Variants in ZNF236 observed in about 807,000 individuals in gnomAD.
ZNF236 encodes zinc finger protein 236, also known as regulated by glucose.
Under a neutral mutation model 191.2 loss-of-function variants are expected in ZNF236, and 50 were observed. The observed-to-expected ratio is 0.26, with a 90% confidence interval of 0.21 to 0.33. The LOEUF (loss-of-function observed/expected upper bound fraction) is 0.33, where lower values mean the gene tolerates loss of function less well. Ranked by LOEUF, ZNF236 falls within the 10% of genes least tolerant of loss-of-function variation. ZNF236 has a pLI of 1.00. For synonymous variants in ZNF236, 907 were observed against 928.8 expected (o/e 0.98, Z 0.43); for missense variants, 1,754 against 2,374.5 (o/e 0.74, Z 5.43).
Position 76,875,262 on chromosome 18 carries a change from G to C in ZNF236, c.668-230G>C, listed in dbSNP as rs1439188870. 6.6e-6 allele frequency among the ~76,000 whole-genome samples: 1 copy of C among 152,194 alleles called. No homozygotes were observed. Among genetic ancestry groups the C allele is most frequent in the African/African-American group, 2.4e-5 (1 of 41,448 alleles). ...CATTGCCTGATCCCCTGGAAGGATG[G>C]CATTGCCTGGGGAAGCCCACAGGTG... is the stretch of plus-strand genomic sequence containing the variant. On this transcript the variant is annotated intron_variant, in intron 5 of 30. Transcript: ENST00000320610. This position sits in a 1 kb window ranked among gnomAD's most constrained non-coding sequence, Gnocchi z 4.3.
chr18:76,943,692 A>G (rs1303175384), intron 26 of ZNF236, among the ~76,000 whole-genome samples: 2 of 152,250 alleles, frequency 1.3e-5, no homozygotes, highest in Non-Finnish European at 2.9e-5. Context: ...CCTGATGGGA[A>G]AAGAAGCCAA....
rs1599433095 is a variant in ZNF236 at position 76,966,182 on chromosome 18, A to G, written c.5420-2033A>G. Reference sequence around the variant, plus strand: ...AGTTGTTTGGGAGCAAAAATTCACAATGTGAGCCTCCTCATGCTGCTCTGT... The same window carrying G: ...AGTTGTTTGGGAGCAAAAATTCACAGTGTGAGCCTCCTCATGCTGCTCTGT... On this transcript the variant is annotated intron_variant, in intron 30 of 30. Coordinates refer to ENST00000320610, the MANE Select transcript of ZNF236 (RefSeq NM_001306089.2). Among the ~76,000 whole-genome samples, 4 of 152,284 alleles carry G rather than the reference A, an allele frequency of 2.6e-5. No homozygotes were observed. In the South Asian group the frequency reaches 8.3e-4, roughly 32 times the overall value.
intron 1 of ZNF236, among the ~76,000 whole-genome samples, chr18:76,841,757 G>T (rs958654978): frequency 2.0e-5 from 3 of 147,216 alleles, no homozygotes; most frequent in Non-Finnish European, 4.5e-5. Flanking sequence ...TCAATGGCAC[G>T]ATCTCGGCTC....
chr18:76,869,590 C>T (rs1436201115), intron 4 of ZNF236, among the ~76,000 whole-genome samples: 1 of 152,116 alleles, frequency 6.6e-6, no homozygotes, highest in Non-Finnish European at 1.5e-5. Flanking sequence ...CTTCCTGGCC[C>T]TTTGCTCAAG....
chr18:76,963,696 C>G (rs780428563), intron 30 of ZNF236, among the ~76,000 whole-genome samples: 1 of 152,122 alleles, frequency 6.6e-6, no homozygotes, highest in Admixed American at 6.5e-5. Flanking sequence ...GTGAATCCAT[C>G]TGGTTGTGGA....
chr18:76,839,199 C>T (rs923013799), intron 1 of ZNF236, among the ~76,000 whole-genome samples: 2 of 152,138 alleles, frequency 1.3e-5, no homozygotes, highest in African/African-American at 4.8e-5. Flanking sequence ...TTAAACATGG[C>T]GTTTGGGTGC....
At chr18:76,842,842 A>G (rs2122467528) in intron 1 of ZNF236, among the ~76,000 whole-genome samples, 1 of 152,280 alleles carries the variant, frequency 6.6e-6, no homozygotes, top group East Asian at 1.9e-4. Context: ...GTTACATTTC[A>G]TTTCCATTTG....
In ZNF236 at chr18:76,925,624, C is replaced by A. The variant is rs1408501145; in HGVS notation, c.4027+70C>A. The A allele has an allele frequency of 4.6e-6, 7 of 1,538,048 alleles. No homozygotes were observed. In the East Asian group the frequency reaches 1.6e-4, roughly 35 times the overall value. On this transcript the variant is annotated intron_variant, in intron 22 of 30. Transcript: ENST00000320610. The surrounding 1 kb of genome is among the most constrained non-coding windows in gnomAD (Gnocchi z 5.7). The stretch of plus-strand genomic sequence containing the variant: ...TGTTCTGTGCTGCTTCTGTCTGTTC[C>A]CACGACAGAAGAGATGTTGTTTACC...
At chr18:76,826,715 G>A (rs1242819345) in intron 1 of ZNF236, among the ~76,000 whole-genome samples, 7 of 149,462 alleles carry the variant, frequency 4.7e-5, no homozygotes, top group South Asian at 2.2e-4. Context: ...CATGAGAATC[G>A]CTTGAGCCCA....
chr18:76,909,170 C>G (rs1440613680), intron 14 of ZNF236, among the ~76,000 whole-genome samples: 1 of 151,944 alleles, frequency 6.6e-6, no homozygotes, highest in African/African-American at 2.4e-5. Flanking sequence ...CGAAACTTAG[C>G]TGGGTGTGGT....
At chr18:76,928,187 C>T in intron 25 of ZNF236, 81 bp downstream of exon 25, 1 of 1,147,730 alleles carries the variant, frequency 8.7e-7, no homozygotes, top group Admixed American at 3.2e-5. Flanking sequence ...TCCTACAATA[C>T]TCTGCTGTGC....
chr18:76,880,326 G>A lies in ZNF236; in HGVS notation c.1188+10G>A, dbSNP rs183278592. 19 of 1,605,624 alleles carry A rather than the reference G, an allele frequency of 1.2e-5. No individual in the cohort carries two copies. In the Admixed American group the frequency reaches 1.8e-4, roughly 16 times the overall value. On this transcript the variant is annotated intron_variant, in intron 8 of 30. Transcript: ENST00000320610. The surrounding 1 kb of genome is among the most constrained non-coding windows in gnomAD (Gnocchi z 5.0). ...CCAGGACATTTTACAGGTGAAGCAC[G>A]CTTCCCTGCGGTGTGAGGCTTACGT...
intron 27 of ZNF236, among the ~76,000 whole-genome samples, chr18:76,953,421 G>A (rs1220854871): frequency 6.6e-6 from 1 of 152,168 alleles, no homozygotes; most frequent in African/African-American, 2.4e-5. Context: ...TTATGTAGCC[G>A]AGCCCTTCCC....
chr18:76,823,228 C>T (rs1974916509), intron 1 of ZNF236, among the ~76,000 whole-genome samples: 1 of 150,036 alleles, frequency 6.7e-6, no homozygotes, highest in Non-Finnish European at 1.5e-5. Context: ...CCAGCGTTGT[C>T]CGGGAAGCGC....
At chr18:76,928,421 G>A (rs539243747) in intron 25 of ZNF236, among the ~76,000 whole-genome samples, 5 of 152,254 alleles carry the variant, frequency 3.3e-5, no homozygotes, top group South Asian at 2.1e-4. Flanking sequence ...TAGCTTTGTG[G>A]TTCTCACTCA....
Position 76,945,883 on chromosome 18 carries a change from A to G in ZNF236, c.4783-1638A>G, listed in dbSNP as rs1358116707. 3.3e-5 allele frequency among the ~76,000 whole-genome samples: 5 copies of G among 152,260 alleles called. No homozygotes were observed. The East Asian group carries it at 7.7e-4, about 23-fold the overall frequency. ...AAATAGCCTAATTTTGCTTTTTTAA[A>G]AAGCTGCATATGGGAAGTAAGGAAC... On this transcript the variant is annotated intron_variant, in intron 26 of 30. Coordinates refer to ENST00000320610, the MANE Select transcript of ZNF236 (RefSeq NM_001306089.2).
At chr18:76,959,882 T>G (rs1463634921) in intron 29 of ZNF236, 66 bp downstream of exon 29, 10 of 1,549,716 alleles carry the variant, frequency 6.5e-6, no homozygotes, top group Non-Finnish European at 8.8e-6. Context: ...TGAGAAAACA[T>G]AATTCCACCT....
chr18:76,882,775 C>A (rs1976934940), intron 9 of ZNF236, among the ~76,000 whole-genome samples: 1 of 152,226 alleles, frequency 6.6e-6, no homozygotes, highest in South Asian at 2.1e-4. Context: ...TAAGCAGTTT[C>A]TCCCGCACAG....
At chr18:76,912,458 C>T (rs1001946525) in intron 17 of ZNF236, 111 bp downstream of exon 17, 3 of 673,846 alleles carry the variant, frequency 4.5e-6, no homozygotes, top group Non-Finnish European at 7.7e-6. Context: ...CAAAACTGTT[C>T]AAAACAGTTC....
Sources: allele counts gnomAD v4.1 joint callset (sites outside exome capture counted in the v4.1 genomes callset), GRCh38; gene constraint gnomAD v4.1.1; non-coding constraint Gnocchi (gnomAD v3.1); transcripts MANE v1.5; gene names NCBI Gene and HGNC (gene_info 2026-07-23, HGNC 2026-07-21).